Variants in SLC25A13 observed in about 807,000 individuals in gnomAD.
SLC25A13 encodes the protein electrogenic aspartate/glutamate antiporter SLC25A13, mitochondrial.
Under a neutral mutation model 85.5 loss-of-function variants are expected in SLC25A13, and 70 were observed. The ratio of observed to expected loss-of-function variants is 0.82; its 90% CI spans 0.68 to 1.00. SLC25A13 has a LOEUF of 1.00. SLC25A13 is among the 50% of genes least tolerant of loss of function. The pLI is 0.00. For synonymous variants in SLC25A13, 259 were observed against 288.7 expected, an observed-to-expected ratio of 0.90 and a Z score of 1.04; for missense variants, 765 against 819.8, an observed-to-expected ratio of 0.93 and a Z score of 0.82.
At chr7:96,253,327 G>A (rs1037215188) in intron 3 of SLC25A13, among the ~76,000 whole-genome samples, 2 of 151,910 alleles carry the variant, frequency 1.3e-5, no homozygotes, top group Non-Finnish European at 2.9e-5. Flanking sequence ...AGAGGAGAGA[G>A]GAATGTTGAA....
chr7:96,171,615 A>T (rs1794006920), intron 11 of SLC25A13, 91 bp from the exon 12 acceptor site: 1 of 1,114,156 alleles, frequency 9.0e-7, no homozygotes, highest in Non-Finnish European at 1.3e-6. Flanking sequence ...CCACTTAAAA[A>T]CTGCTTAATC....
chr7:96,201,721 A>G (rs1795264040), intron 5 of SLC25A13, among the ~76,000 whole-genome samples: 1 of 152,190 alleles, frequency 6.6e-6, no homozygotes, highest in Non-Finnish European at 1.5e-5. Context: ...GAAATCGCTT[A>G]TTAATTCTAA....
At chr7:96,265,810 G>A (rs2116907648) in intron 3 of SLC25A13, among the ~76,000 whole-genome samples, 1 of 152,288 alleles carries the variant, frequency 6.6e-6, no homozygotes, top group South Asian at 2.1e-4. Flanking sequence ...ACTGCTCACA[G>A]TTCTAGGAGT....
intron 13 of SLC25A13, among the ~76,000 whole-genome samples, chr7:96,167,590 G>C (rs1793806446): frequency 6.6e-6 from 1 of 152,192 alleles, no homozygotes; most frequent in Non-Finnish European, 1.5e-5. Context: ...ATGAAGCAAG[G>C]TGAGCTCCCC....
At chr7:96,296,397 A>G (rs911124816) in intron 2 of SLC25A13, among the ~76,000 whole-genome samples, 1 of 152,182 alleles carries the variant, frequency 6.6e-6, no homozygotes, top group Non-Finnish European at 1.5e-5. Flanking sequence ...TTAAAATATA[A>G]GCCATGTTGT....
At chr7:96,293,995 G>A (rs1301972982) in intron 2 of SLC25A13, among the ~76,000 whole-genome samples, 1 of 152,130 alleles carries the variant, frequency 6.6e-6, no homozygotes, top group Non-Finnish European at 1.5e-5. Context: ...GTTTATTGCG[G>A]CACTATTCAC....
At chr7:96,205,963 C>T (rs964698792) in intron 5 of SLC25A13, among the ~76,000 whole-genome samples, 7 of 150,284 alleles carry the variant, frequency 4.7e-5, no homozygotes, top group Admixed American at 3.3e-4. Flanking sequence ...AAAAAAGGAA[C>T]TGCAGAGAAC....
chr7:96,148,993 A>G (rs1792914533), intron 13 of SLC25A13, among the ~76,000 whole-genome samples: 1 of 152,230 alleles, frequency 6.6e-6, no homozygotes, highest in Non-Finnish European at 1.5e-5. Context: ...TTTCCTCCAT[A>G]GATGCATGTT....
intron 3 of SLC25A13, among the ~76,000 whole-genome samples, chr7:96,267,576 G>C (rs1798080835): frequency 6.6e-6 from 1 of 152,098 alleles, no homozygotes; most frequent in Non-Finnish European, 1.5e-5. Flanking sequence ...ACTTTGGGAG[G>C]GCTGAGGCAG....
At chr7:96,229,168 G>A (rs145153187) in intron 4 of SLC25A13, among the ~76,000 whole-genome samples, 3,087 of 152,328 alleles carry the variant, frequency 0.02, 58 homozygotes, top group Non-Finnish European at 0.031. Context: ...AGCCAGCTGG[G>A]CTCCTGAGTC....
At chr7:96,229,903 A>T (rs537818736) in intron 4 of SLC25A13, among the ~76,000 whole-genome samples, 1 of 152,226 alleles carries the variant, frequency 6.6e-6, no homozygotes, top group Admixed American at 6.5e-5. Flanking sequence ...AGTGAGACCA[A>T]GAACCCACCA....
chr7:96,278,701 T>C (rs994160790), intron 2 of SLC25A13, among the ~76,000 whole-genome samples: 1 of 152,232 alleles, frequency 6.6e-6, no homozygotes, highest in African/African-American at 2.4e-5. Context: ...AAATGTTCTA[T>C]AGTATTGTCT....
At chr7:96,320,308 C>A (rs1772125527) in intron 1 of SLC25A13, among the ~76,000 whole-genome samples, 1 of 152,156 alleles carries the variant, frequency 6.6e-6, no homozygotes, top group African/African-American at 2.4e-5. Context: ...CACCAGGTCA[C>A]TTATTTTACT....
At chr7:96,131,980 G>A (rs780070207) in intron 14 of SLC25A13, 99 bp from the exon 15 acceptor site, 352 of 1,515,194 alleles carry the variant, frequency 2.3e-4, no homozygotes, top group Admixed American at 4.5e-4. Context: ...TATTCCTGGA[G>A]AAGACCAAAT....
At chr7:96,243,799 G>A (rs1797081136) in intron 3 of SLC25A13, among the ~76,000 whole-genome samples, 1 of 152,144 alleles carries the variant, frequency 6.6e-6, no homozygotes, top group Admixed American at 6.6e-5. Context: ...AGGGCAGGGA[G>A]ACCTCGAGCA....
At chr7:96,134,140 C>T (rs1792160375) in intron 14 of SLC25A13, among the ~76,000 whole-genome samples, 1 of 151,166 alleles carries the variant, frequency 6.6e-6, no homozygotes, top group East Asian at 2.0e-4. Context: ...GATTCTGTTA[C>T]TTCAGCCTCC....
intron 2 of SLC25A13, among the ~76,000 whole-genome samples, chr7:96,293,980 C>T (rs1442343671): frequency 1.3e-5 from 2 of 152,134 alleles, no homozygotes; most frequent in African/African-American, 2.4e-5. Flanking sequence ...CACATGCACA[C>T]GTATGTTTAT....
At chr7:96,160,384 C>T (rs1249497692) in intron 13 of SLC25A13, among the ~76,000 whole-genome samples, 1 of 152,204 alleles carries the variant, frequency 6.6e-6, no homozygotes, top group African/African-American at 2.4e-5. Context: ...GGGAGGCTAT[C>T]CTTAACTGTC....
chr7:96,155,481 G>T (rs1237713336), intron 13 of SLC25A13, among the ~76,000 whole-genome samples: 1 of 152,034 alleles, frequency 6.6e-6, no homozygotes, highest in Non-Finnish European at 1.5e-5. Context: ...GGACCTGAAG[G>T]CTGTGGCTCT....
Sources: allele counts gnomAD v4.1 joint callset (sites outside exome capture counted in the v4.1 genomes callset), GRCh38; gene constraint gnomAD v4.1.1; transcripts MANE v1.5; gene names NCBI Gene and HGNC (gene_info 2026-07-23, HGNC 2026-07-21).